The following MYO1D variants were observed in gnomAD, a reference collection of about 807,000 sequenced individuals.
The protein encoded by MYO1D is myosin ID.
MYO1D carries 83 observed loss-of-function variants against 122.0 expected under a neutral mutation model. The ratio of observed to expected loss-of-function variants is 0.68; its 90% CI spans 0.57 to 0.82. The LOEUF (loss-of-function observed/expected upper bound fraction) is 0.82. Ranked by LOEUF, MYO1D falls within the 40% of genes least tolerant of loss-of-function variation. MYO1D has a pLI of 0.00. For synonymous variants in MYO1D, 464 were observed against 446.9 expected, an observed-to-expected ratio of 1.04 and a Z score of -0.48; for missense variants, 1,157 against 1,269.5, an observed-to-expected ratio of 0.91 and a Z score of 1.35.
At chr17:32,542,006 G>A (rs1188540807) in intron 21 of MYO1D, among the ~76,000 whole-genome samples, 1 of 151,988 alleles carries the variant, frequency 6.6e-6, no homozygotes, top group Non-Finnish European at 1.5e-5. Context: ...CTCTTTCCAG[G>A]AAGCTCCCCC....
Position 32,618,283 on chromosome 17 carries a change from T to C in MYO1D, c.2710-13042A>G, listed in dbSNP as rs561260448. Among the ~76,000 whole-genome samples, 5 of 152,370 alleles carry C rather than the reference T, an allele frequency of 3.3e-5. No homozygotes were observed. In the South Asian group the frequency reaches 8.3e-4, roughly 25 times the overall value. On this transcript the variant is annotated intron_variant, in intron 20 of 21. Transcript: ENST00000318217. ...TTATTCAGGTCAAGGAAAATAATTG[T>C]AATCAACTGATTAAAAGGGCTAAGT...
chr17:32,802,777 T>C (rs1303721417), intron 1 of MYO1D, among the ~76,000 whole-genome samples: 4 of 152,236 alleles, frequency 2.6e-5, no homozygotes, highest in East Asian at 3.8e-4. Context: ...CACTTGTTTA[T>C]ACAGATTATA....
intron 21 of MYO1D, among the ~76,000 whole-genome samples, chr17:32,603,172 A>T (rs1482935035): frequency 1.3e-5 from 2 of 152,208 alleles, no homozygotes; most frequent in Non-Finnish European, 2.9e-5. Flanking sequence ...CATTAAAGAT[A>T]GAGGACATAC....
intron 16 of MYO1D, among the ~76,000 whole-genome samples, chr17:32,709,363 T>C (rs932802606): frequency 3.3e-5 from 5 of 151,690 alleles, no homozygotes; most frequent in Admixed American, 6.6e-5. Context: ...AAAAAAGACA[T>C]AGTAACAGAT....
chr17:32,592,448 T>C (rs1023021711), intron 21 of MYO1D, among the ~76,000 whole-genome samples: 10 of 152,228 alleles, frequency 6.6e-5, no homozygotes, highest in African/African-American at 1.7e-4. Context: ...GAGTTATTAA[T>C]TGTTCTTTTG....
At chr17:32,674,452 G>A (rs2088774444) in intron 16 of MYO1D, among the ~76,000 whole-genome samples, 1 of 152,176 alleles carries the variant, frequency 6.6e-6, no homozygotes, top group Non-Finnish European at 1.5e-5. Context: ...TACCCCAAGA[G>A]AAGGGAGAGA....
At chr17:32,648,415 A>ATATT (rs1282566659) in intron 19 of MYO1D, among the ~76,000 whole-genome samples, 1 of 152,116 alleles carries the variant, frequency 6.6e-6, no homozygotes, top group Non-Finnish European at 1.5e-5. Flanking sequence ...TTTTGTTATG[A>ATATT]TATTTATTTA....
At chr17:32,523,790 C>CAAAAAAAA (rs34905929) in intron 21 of MYO1D, among the ~76,000 whole-genome samples, 2 of 91,670 alleles carry the variant, frequency 2.2e-5, no homozygotes, top group Admixed American at 1.2e-4. Flanking sequence ...GACCCTGTCT[C>CAAAAAAAA]AAAAAAAAAA....
intron 1 of MYO1D, among the ~76,000 whole-genome samples, chr17:32,796,606 T>C (rs1364669508): frequency 6.6e-6 from 1 of 151,928 alleles, no homozygotes; most frequent in East Asian, 1.9e-4. Flanking sequence ...AGAGACGGGG[T>C]TTTTGCCATG....
intron 21 of MYO1D, among the ~76,000 whole-genome samples, chr17:32,562,611 T>C (rs2087136258): frequency 1.3e-5 from 2 of 151,808 alleles, no homozygotes; most frequent in African/African-American, 2.4e-5. Context: ...GCCTCATGAG[T>C]AGCTAGGACT....
intron 21 of MYO1D, among the ~76,000 whole-genome samples, chr17:32,542,613 TAAAA>T (rs67238143): frequency 8.0e-6 from 1 of 124,878 alleles, no homozygotes; most frequent in African/African-American, 2.9e-5. Flanking sequence ...GAGGTAACGC[TAAAA>T]AAAAAAAAAA....
intron 1 of MYO1D, among the ~76,000 whole-genome samples, chr17:32,855,164 A>G (rs2091017824): frequency 6.6e-6 from 1 of 152,156 alleles, no homozygotes; most frequent in African/African-American, 2.4e-5. Flanking sequence ...TTCCTCCATG[A>G]TTTCCTTGAG....
chr17:32,591,003 C>A (rs1255598741), intron 21 of MYO1D, among the ~76,000 whole-genome samples: 1 of 152,194 alleles, frequency 6.6e-6, no homozygotes, highest in Non-Finnish European at 1.5e-5. Context: ...CAATGATGAA[C>A]ACGTCACAAA....
At chr17:32,603,024 T>G (rs1291717949) in intron 21 of MYO1D, among the ~76,000 whole-genome samples, 1 of 151,906 alleles carries the variant, frequency 6.6e-6, no homozygotes, top group Non-Finnish European at 1.5e-5. Context: ...ATTTTATCTC[T>G]CATTTCCACT....
intron 21 of MYO1D, among the ~76,000 whole-genome samples, chr17:32,565,244 T>A (rs1332945223): frequency 6.6e-6 from 1 of 152,178 alleles, no homozygotes; most frequent in Non-Finnish European, 1.5e-5. Flanking sequence ...CCTCAGGTGA[T>A]CCTCCTGCCT....
intron 1 of MYO1D, among the ~76,000 whole-genome samples, chr17:32,797,561 T>C (rs2090428113): frequency 1.3e-5 from 2 of 152,236 alleles, no homozygotes; most frequent in Admixed American, 6.5e-5. Flanking sequence ...AATTGTTCTA[T>C]TTTATTATTG....
chr17:32,721,024 T>G lies in MYO1D; in HGVS notation c.1912A>C (p.Arg638=). 1 of 1,613,836 alleles carries G rather than the reference T, an allele frequency of 6.2e-7. No individual in the cohort carries two copies. Among genetic ancestry groups the G allele is most frequent in the South Asian group, 1.1e-5 (1 of 91,030 alleles). ...CCTCTCTGACGAGTCTATTCTCACC[T>G]GTGAAGAAACTTCTCGTATGTCTGG... ...FRQTYEKFLH[R]YKMISEFTWP... Residue 638 remains arginine, a splice_region_variant and synonymous_variant, in exon 15 of 22, where the codon AGG becomes CGG. Transcript: ENST00000318217.
At chr17:32,519,316 C>G (rs28685302) in intron 21 of MYO1D, 74,580 of 152,232 alleles carry the variant, frequency 0.49, 19,143 homozygotes, top group African/African-American at 0.6. Flanking sequence ...GTCCTCGCGG[C>G]CCCGGGCACC....
At chr17:32,580,211 A>G (rs763221628) in intron 21 of MYO1D, among the ~76,000 whole-genome samples, 1 of 147,584 alleles carries the variant, frequency 6.8e-6, no homozygotes, top group Non-Finnish European at 1.5e-5. Context: ...ATTAAATATG[A>G]TATTTGCTTT....
Sources: gnomAD v4.1 joint callset for allele counts (sites outside exome capture counted in the v4.1 genomes callset) on GRCh38, gnomAD v4.1.1 for gene constraint, MANE v1.5 for transcripts, NCBI Gene and HGNC (gene_info 2026-07-23, HGNC 2026-07-21) for gene names.